AFF1: variants seen among roughly 807,000 people sequenced by gnomAD.
AFF1 encodes the protein AF4/FMR2 family member 1.
AFF1 carries 48 observed loss-of-function variants against 121.7 expected under a neutral mutation model. That is an observed-to-expected ratio of 0.39 (90% confidence interval 0.31 to 0.50). AFF1 has a LOEUF of 0.50. Among genes scored for constraint, AFF1 ranks in the 20% least tolerant of loss-of-function variants. AFF1 has a pLI of 0.76. For synonymous variants in AFF1, 613 were observed against 563.0 expected (o/e 1.09, Z -1.26); for missense variants, 1,523 against 1,511.7 (o/e 1.01, Z -0.12).
rs780562652 is a variant in AFF1 at position 87,090,051 on chromosome 4, A to G, written c.1172A>G (p.Lys391Arg). ...ACGCCTAGTACAGCTGAGCCATCCA[A>G]GTTTCCTTTCCCTACAAAGGTAATT... ...IHTPSTAEPS[K>R]FPFPTKDSQH... The change falls in exon 6 of 21, where the codon AAG (lysine) becomes AGG (arginine). Residue 391 changes from lysine to arginine, a missense_variant. This residue lies in a region of AFF1 where 905 missense variants were observed against 842.5 expected (regional missense o/e 1.07). Coordinates refer to ENST00000395146, the MANE Select transcript of AFF1 (RefSeq NM_001166693.3). 75 of 1,613,674 alleles carry G rather than the reference A, an allele frequency of 4.6e-5. No homozygotes were observed. The highest frequency in any genetic ancestry group is 6.3e-5 in the Non-Finnish European group (74 of 1,179,886).
At chr4:87,134,302 G>A (rs1729107568) in intron 19 of AFF1, among the ~76,000 whole-genome samples, 169 bp from the exon 20 acceptor site, 1 of 152,232 alleles carries the variant, frequency 6.6e-6, no homozygotes, top group Admixed American at 6.5e-5. Context: ...GATTAGCCCA[G>A]CAGGGTGTCT....
chr4:86,986,743 T>G (rs896472829), intron 2 of AFF1, among the ~76,000 whole-genome samples: 2 of 152,160 alleles, frequency 1.3e-5, no homozygotes, highest in African/African-American at 4.8e-5. Context: ...TAATTAGATA[T>G]TTGATGCTAG....
intron 2 of AFF1, among the ~76,000 whole-genome samples, chr4:86,985,161 AAT>A (rs1236790704): frequency 3.8e-4 from 14 of 36,980 alleles, no homozygotes; most frequent in Non-Finnish European, 1.1e-3. Context: ...ATAAAAATAT[AAT>A]ATATATAATA....
intron 7 of AFF1, among the ~76,000 whole-genome samples, chr4:87,092,375 A>ATAG (rs1724405042): frequency 6.6e-6 from 1 of 152,270 alleles, no homozygotes; most frequent in East Asian, 1.9e-4. Context: ...TTACTGACAC[A>ATAG]TAGTAGCTGT....
At chr4:87,127,983 A>T (rs1365302153) in intron 16 of AFF1, among the ~76,000 whole-genome samples, 1 of 152,206 alleles carries the variant, frequency 6.6e-6, no homozygotes, top group Non-Finnish European at 1.5e-5. Context: ...AGATATACAA[A>T]GGACCTAGTC....
At chr4:87,045,217 TC>T (rs549097523) in intron 2 of AFF1, among the ~76,000 whole-genome samples, 17 of 152,338 alleles carry the variant, frequency 1.1e-4, no homozygotes, top group Non-Finnish European at 2.2e-4. Context: ...TCAAATATTT[TC>T]CTGTTTGTTC....
rs1433460198 is a variant in AFF1, at chr4:87,137,650, A to G, written c.*1949A>G. On this transcript the variant is annotated 3_prime_UTR_variant, in exon 21 of 21. Transcript: ENST00000395146. ...TGGTCCTTTTTAAACTACTAGTTTT[A>G]AAAACCTGTGTTAAATGAACAGTAA... The G allele has an allele frequency of 4.3e-6, 1 of 232,426 alleles. No individual in the cohort carries two copies. The highest frequency in any genetic ancestry group is 8.5e-6 in the Non-Finnish European group (1 of 117,612). 14.4% of individuals were successfully genotyped at this position (232,426 alleles called of 1,614,324 possible). A position where few individuals can be genotyped will look rare whatever the true frequency, so the allele number is the denominator to read the frequency against.
At chr4:86,961,234 CT>C (rs1722120759) in intron 2 of AFF1, among the ~76,000 whole-genome samples, 1 of 152,146 alleles carries the variant, frequency 6.6e-6, no homozygotes, top group South Asian at 2.1e-4. Flanking sequence ...GATAGGCATG[CT>C]TTCAATCTCG....
intron 6 of AFF1, among the ~76,000 whole-genome samples, chr4:87,090,451 A>T (rs891546714): frequency 4.6e-5 from 7 of 152,214 alleles, no homozygotes; most frequent in African/African-American, 1.7e-4. Context: ...TCTTGAGTTT[A>T]ATGTGATCAG....
At chr4:87,097,809 T>C (rs1725017444) in intron 8 of AFF1, among the ~76,000 whole-genome samples, 1 of 152,194 alleles carries the variant, frequency 6.6e-6, no homozygotes, top group Admixed American at 6.5e-5. Context: ...AACTCACTTT[T>C]AATGGAGATT....
chr4:87,098,745 A>T (rs1725125670), intron 8 of AFF1, among the ~76,000 whole-genome samples: 1 of 152,234 alleles, frequency 6.6e-6, no homozygotes, highest in Non-Finnish European at 1.5e-5. Context: ...ATTAGTCATT[A>T]TAGCAATTTG....
intron 2 of AFF1, among the ~76,000 whole-genome samples, chr4:87,039,711 G>T (rs1448342756): frequency 1.3e-5 from 2 of 152,136 alleles, no homozygotes; most frequent in African/African-American, 4.8e-5. Context: ...CTCAAAGATG[G>T]TGGACAGTAG....
At chr4:86,955,157 A>C (rs1012854393) in intron 2 of AFF1, among the ~76,000 whole-genome samples, 1 of 152,180 alleles carries the variant, frequency 6.6e-6, no homozygotes, top group Non-Finnish European at 1.5e-5. Context: ...GTGCCCTTGC[A>C]AGCTTTGTCT....
At chr4:86,979,287 G>A (rs1006015898) in intron 2 of AFF1, among the ~76,000 whole-genome samples, 5 of 152,000 alleles carry the variant, frequency 3.3e-5, no homozygotes, top group Non-Finnish European at 7.4e-5. Flanking sequence ...TAGTAGAGAC[G>A]GGGTTTTGCC....
chr4:87,025,574 C>T (rs990304700), intron 2 of AFF1, among the ~76,000 whole-genome samples: 2 of 152,300 alleles, frequency 1.3e-5, no homozygotes, highest in East Asian at 3.9e-4. Flanking sequence ...TGGTTCTCCA[C>T]AGGGGAGGAG....
At chr4:87,004,080 C>G (rs1049760624) in intron 2 of AFF1, among the ~76,000 whole-genome samples, 2 of 152,166 alleles carry the variant, frequency 1.3e-5, no homozygotes, top group African/African-American at 4.8e-5. Flanking sequence ...GACCTCACCC[C>G]ACAAGGATTC....
chr4:87,054,819 C>T (rs1719934358), intron 4 of AFF1, among the ~76,000 whole-genome samples: 1 of 152,148 alleles, frequency 6.6e-6, no homozygotes, highest in South Asian at 2.1e-4. Flanking sequence ...AAGCTGTAAA[C>T]CAGCAGCCTG....
rs753240601 is a variant in AFF1, at chr4:87,127,080, A to G, written c.2866A>G (p.Asn956Asp). 1.6e-5 allele frequency: 26 copies of G among 1,613,308 alleles called. No individual in the cohort carries two copies. In the South Asian group the frequency reaches 2.6e-4, roughly 16 times the overall value. Residue 956 changes from asparagine to aspartate, a missense_variant, in exon 15 of 21, where the codon AAC (asparagine) becomes GAC (aspartate). Coordinates refer to ENST00000395146, the MANE Select transcript of AFF1 (RefSeq NM_001166693.3). ...TCCAGTGCCTTCTTTGCCAAATGGT[A>G]ACTCTAAACCAGGGAAGCCTCAAGT... ...PFPVPSLPNG[N>D]SKPGKPQVKF...
intron 8 of AFF1, among the ~76,000 whole-genome samples, chr4:87,104,248 C>T (rs918652761): frequency 3.3e-5 from 5 of 152,072 alleles, no homozygotes; most frequent in African/African-American, 1.2e-4. Context: ...TCTACAAAAA[C>T]ACAAAAATTA....
Sources: gnomAD v4.1 joint callset for allele counts (sites outside exome capture counted in the v4.1 genomes callset) on GRCh38, gnomAD v4.1.1 for gene constraint, gnomAD v4.1.1 regional missense constraint, MANE v1.5 for transcripts, NCBI Gene and HGNC (gene_info 2026-07-23, HGNC 2026-07-21) for gene names.